Variants in TMEM230 observed in about 807,000 individuals in gnomAD.
The protein encoded by TMEM230 is transmembrane protein 230.
A neutral mutation model predicts 15.8 loss-of-function variants in TMEM230; 10 were observed. That is an observed-to-expected ratio of 0.63 (90% CI 0.39 to 1.07). TMEM230 has a LOEUF of 1.07. TMEM230 is among the 50% of genes least tolerant of loss of function. TMEM230 has a pLI of 0.01. For missense variants in TMEM230, 165 were observed against 193.3 expected (o/e 0.85, Z 0.87); for synonymous variants, 67 against 76.9 (o/e 0.87, Z 0.68).
Position 5,100,624 on chromosome 20 carries a change from A to G in TMEM230, c.*167T>C. 1.4e-6 allele frequency: 2 copies of G among 1,419,532 alleles called. No homozygotes were observed. Among genetic ancestry groups the G allele is most frequent in the Non-Finnish European group, 1.8e-6 (2 of 1,089,306 alleles). 87.9% of individuals were successfully genotyped at this position (1,419,532 alleles called of 1,614,324 possible). A position where few individuals can be genotyped will look rare whatever the true frequency, so the allele number is the denominator to read the frequency against. ...AAATAGAGCTTGTCCTAATTAGCTAACTGTAGGTTCACTTAACATCTTTGG... is the reference window on the plus strand; with the variant it reads ...AAATAGAGCTTGTCCTAATTAGCTAGCTGTAGGTTCACTTAACATCTTTGG... On this transcript the variant is annotated 3_prime_UTR_variant, in exon 5 of 5. Transcript: ENST00000342308.
chr20:5,093,396 T>C (rs998282991), intron 3 of TMEM230, among the ~76,000 whole-genome samples: 5 of 150,834 alleles, frequency 3.3e-5, no homozygotes, highest in Admixed American at 6.6e-5. Context: ...TACAGGCACA[T>C]GCCACCATAC....
downstream of TMEM230, among the ~76,000 whole-genome samples, chr20:5,097,969 AT>A (rs5840073): frequency 0.12 from 8,083 of 66,762 alleles, 136 homozygotes; most frequent in African/African-American, 0.24. Flanking sequence ...CTAACTCAGG[AT>A]TTTTTTTTTT....
At chr20:5,097,664 G>A (rs1332472647), downstream of TMEM230, among the ~76,000 whole-genome samples, 1 of 152,134 alleles carries the variant, frequency 6.6e-6, no homozygotes, top group Non-Finnish European at 1.5e-5. Flanking sequence ...TTGAGACGGA[G>A]TCTCACTCTG....
chr20:5,070,473 C>T (rs1025083331), intron 3 of TMEM230, among the ~76,000 whole-genome samples: 3 of 152,064 alleles, frequency 2.0e-5, no homozygotes, highest in Admixed American at 6.6e-5. Context: ...AATAGATAAC[C>T]GGAAGAGTGA....
chr20:5,112,364 A>G (rs2090360416), intron 1 of TMEM230, among the ~76,000 whole-genome samples: 1 of 152,224 alleles, frequency 6.6e-6, no homozygotes, highest in South Asian at 2.1e-4. Context: ...ATTTAATTCT[A>G]TAAAACAAAG....
intron 3 of TMEM230, among the ~76,000 whole-genome samples, chr20:5,082,446 T>C (rs1226368313): frequency 6.6e-6 from 1 of 151,856 alleles, no homozygotes; most frequent in Non-Finnish European, 1.5e-5. Context: ...AACTACATAG[T>C]TTTTGTTTGT....
intron 1 of TMEM230, 195 bp downstream of exon 1, chr20:5,112,766 G>A: frequency 1.4e-6 from 2 of 1,470,564 alleles, no homozygotes; most frequent in Non-Finnish European, 1.8e-6. Flanking sequence ...TTGCCAGGGA[G>A]AGAAATAAGA....
At chr20:5,064,738 C>A (rs2088635852), downstream of TMEM230, among the ~76,000 whole-genome samples, 5 of 151,762 alleles carry the variant, frequency 3.3e-5, no homozygotes, top group South Asian at 1.0e-3. Flanking sequence ...TTTTATCAAA[C>A]CAAATGCTAA....
At chr20:5,059,525 C>T in the TMEM230 span, among the ~76,000 whole-genome samples, 1 of 152,144 alleles carries the variant, frequency 6.6e-6, no homozygotes, top group Non-Finnish European at 1.5e-5. Context: ...CTGTGCCTCC[C>T]TGAACATAGC....
chr20:5,059,125 C>G, the TMEM230 span, among the ~76,000 whole-genome samples: 1 of 152,142 alleles, frequency 6.6e-6, no homozygotes, highest in Non-Finnish European at 1.5e-5. Flanking sequence ...CTAAGTGGCT[C>G]AAAACTACAT....
the TMEM230 span, among the ~76,000 whole-genome samples, chr20:5,059,582 ATATCCTTGCCTTTATTT>A: frequency 1.3e-5 from 2 of 151,688 alleles, no homozygotes; most frequent in South Asian, 2.1e-4. Flanking sequence ...AGTGATAGCC[ATATCCTTGCCTTTATTT>A]TATCCTTGCC....
chr20:5,069,378 C>T (rs2122532789), intron 3 of TMEM230: 2 of 1,515,796 alleles, frequency 1.3e-6, no homozygotes, highest in South Asian at 1.2e-5. Context: ...TTCTCAATTC[C>T]ACCACAAGTT....
At chr20:5,064,440 G>A (rs184028006), downstream of TMEM230, among the ~76,000 whole-genome samples, 65 of 152,158 alleles carry the variant, frequency 4.3e-4, 1 homozygote, top group South Asian at 0.012. Flanking sequence ...GCTGGGTGTG[G>A]TGGGGCGTGG....
At chr20:5,112,298 A>G (rs540931450) in intron 1 of TMEM230, among the ~76,000 whole-genome samples, 57 of 152,208 alleles carry the variant, frequency 3.7e-4, no homozygotes, top group Non-Finnish European at 7.5e-4. Context: ...CTTTTCAAAA[A>G]AGATTGGATC....
downstream of TMEM230, chr20:5,067,429 A>ATATATATATG (rs2088681249): frequency 1.6e-4 from 2 of 12,172 alleles, no homozygotes; most frequent in Non-Finnish European, 2.9e-4. Context: ...ATATATATAT[A>ATATATATATG]TATATATATA....
At chr20:5,075,754 A>C (rs1002394135) in intron 3 of TMEM230, among the ~76,000 whole-genome samples, 45 of 151,974 alleles carry the variant, frequency 3.0e-4, no homozygotes, top group African/African-American at 1.1e-3. Flanking sequence ...AATAAATAAA[A>C]ATAATCTTTT....
At position 5,100,460 on chromosome 20, in the gene TMEM230, T is replaced by C. The variant is rs1447912281; in HGVS notation, c.*331A>G. On this transcript the variant is annotated 3_prime_UTR_variant, in exon 5 of 5. Coordinates refer to ENST00000342308, the MANE Select transcript of TMEM230 (RefSeq NM_001009923.2). ...TTGTTCCATTTGCTACAAGAACAAA[T>C]TGGCAATGAAGACTATTTAAAAGAA... is the stretch of plus-strand genomic sequence containing the variant. The C allele has an allele frequency of 1.7e-5, 18 of 1,032,080 alleles. No individual in the cohort carries two copies. The highest frequency in any genetic ancestry group is 2.0e-5 in the Non-Finnish European group (17 of 858,300). The allele number at this position is 1,032,080 out of a possible 1,614,324, so 63.9% of individuals were successfully genotyped here. A position where few individuals can be genotyped will look rare whatever the true frequency, so the allele number is the denominator to read the frequency against.
rs2089788378 is a variant in TMEM230 at position 5,099,963 on chromosome 20, G to C, written c.*828C>G. 1.0e-6 allele frequency: 1 copy of C among 985,266 alleles called. No individual in the cohort carries two copies. The highest frequency in any genetic ancestry group is 1.7e-5 in the African/African-American group (1 of 57,236). 61.0% of individuals were successfully genotyped at this position (985,266 alleles called of 1,614,324 possible). A position where few individuals can be genotyped will look rare whatever the true frequency, so the allele number is the denominator to read the frequency against. On this transcript the variant is annotated 3_prime_UTR_variant, in exon 5 of 5. Coordinates refer to ENST00000342308, the MANE Select transcript of TMEM230 (RefSeq NM_001009923.2). ...AATAGAATCAAACTAAGGTGATCTA[G>C]TCCTCTAGGCATCCAGGCTGATCCT... is the stretch of plus-strand genomic sequence containing the variant.
downstream of TMEM230, among the ~76,000 whole-genome samples, chr20:5,064,797 A>G (rs2088636508): frequency 6.6e-6 from 1 of 152,206 alleles, no homozygotes; most frequent in African/African-American, 2.4e-5. Context: ...AAAGGTGATC[A>G]AAGAAAAAAA....
Sources: gnomAD v4.1 joint callset for allele counts (sites outside exome capture counted in the v4.1 genomes callset) on GRCh38, gnomAD v4.1.1 for gene constraint, MANE v1.5 for transcripts, NCBI Gene and HGNC (gene_info 2026-07-23, HGNC 2026-07-21) for gene names.